The following NOS1AP variants were observed in gnomAD, a reference collection of about 807,000 sequenced individuals.
The protein encoded by NOS1AP is carboxyl-terminal PDZ ligand of neuronal nitric oxide synthase protein.
Under a neutral mutation model 56.2 loss-of-function variants are expected in NOS1AP, and 21 were observed. The ratio of observed to expected loss-of-function variants is 0.37; its 90% confidence interval spans 0.26 to 0.54. The LOEUF (loss-of-function observed/expected upper bound fraction) is 0.54, where lower values mean the gene tolerates loss of function less well. Ranked by LOEUF, NOS1AP falls within the 20% of genes least tolerant of loss-of-function variation. The pLI is 0.84. For missense variants in NOS1AP, 522 were observed against 657.8 expected (o/e 0.79, Z 2.26); for synonymous variants, 270 against 274.6 (o/e 0.98, Z 0.17).
rs541970457 is a variant in NOS1AP, at chr1:162,227,783, C to T, written c.178-59561C>T. ...GTGAGGGGCAAATAAGGAGAAAAAA[C>T]CCTCCTATGCAAGATGAGTTTGCAA... On this transcript the variant is annotated intron_variant, in intron 2 of 9. Coordinates refer to ENST00000361897, the MANE Select transcript of NOS1AP (RefSeq NM_014697.3). Among the ~76,000 whole-genome samples, 358 of 152,278 alleles carry T rather than the reference C, an allele frequency of 2.4e-3. 1 individual carries two copies. Among genetic ancestry groups the T allele is most frequent in the African/African-American group, 6.7e-3 (280 of 41,558 alleles).
chr1:162,248,992 AGTCATC>A (rs926912458), intron 2 of NOS1AP, among the ~76,000 whole-genome samples: 5 of 152,094 alleles, frequency 3.3e-5, no homozygotes, highest in African/African-American at 1.2e-4. Context: ...ACAGCATCTG[AGTCATC>A]TCCTTGGAAA....
intron 3 of NOS1AP, 45 bp from the exon 4 acceptor site, chr1:162,300,588 C>T (rs1655616843): frequency 1.3e-6 from 2 of 1,525,238 alleles, no homozygotes; most frequent in African/African-American, 1.4e-5. Context: ...TCAGTGTGTG[C>T]CCTGGTCCTG....
At chr1:162,295,461 A>G (rs1321979794) in intron 3 of NOS1AP, among the ~76,000 whole-genome samples, 2 of 152,228 alleles carry the variant, frequency 1.3e-5, no homozygotes, top group East Asian at 3.8e-4. Context: ...TTTGATTTAT[A>G]ATCCCATAGG....
chr1:162,070,034 C>A lies in NOS1AP; in HGVS notation c.-144C>A. 1 of 502,220 alleles carries A rather than the reference C, an allele frequency of 2.0e-6. No homozygotes were observed. Among genetic ancestry groups the A allele is most frequent in the Non-Finnish European group, 3.4e-6 (1 of 294,346 alleles). The allele number at this position is 502,220 out of a possible 1,614,324, so 31.1% of individuals were successfully genotyped here. On this transcript the variant is annotated 5_prime_UTR_variant, in exon 1 of 10. Transcript: ENST00000361897. The stretch of plus-strand genomic sequence containing the variant: ...TCGGCACCGCTCCGGGTCCGGCCGC[C>A]GCGCGGCCAGGGCTCCCCCTGCCCA...
At position 162,355,295 on chromosome 1, in the gene NOS1AP, G is replaced by A. The variant is rs780159734; in HGVS notation, c.704G>A (p.Arg235Gln). 1.4e-5 allele frequency: 22 copies of A among 1,614,134 alleles called. 1 individual carries two copies. The highest frequency in any genetic ancestry group is 4.5e-5 in the East Asian group (2 of 44,878). Residue 235 changes from arginine to glutamine, a missense_variant, in exon 7 of 10, where the codon CGA (arginine) becomes CAA (glutamine). Physicochemically the swap from Arg to Gln is conservative, Grantham distance 43. Around this residue, in one of 4 missense-constraint regions of NOS1AP, gnomAD observed 178 missense variants for 165.0 expected, o/e 1.08. Transcript: ENST00000361897. ...GGGAATGATGTCCTGGAATTCAGCC[G>A]AGGTGTGACTGATCTAGATGCTGTA... ...LPGNDVLEFS[R>Q]GVTDLDAVGK...
intron 1 of NOS1AP, among the ~76,000 whole-genome samples, chr1:162,132,210 A>G (rs142979568): frequency 1.3e-5 from 2 of 152,324 alleles, no homozygotes; most frequent in African/African-American, 4.8e-5. Context: ...CGGATGTGCT[A>G]TACCAAACAT....
chr1:162,161,984 C>T (rs2102110780), intron 2 of NOS1AP, among the ~76,000 whole-genome samples: 1 of 152,326 alleles, frequency 6.6e-6, no homozygotes, highest in African/African-American at 2.4e-5. Context: ...AGAATGGATT[C>T]TGTGGCTCTC....
At chr1:162,134,514 G>A (rs1024707281) in intron 1 of NOS1AP, among the ~76,000 whole-genome samples, 1 of 145,606 alleles carries the variant, frequency 6.9e-6, no homozygotes, top group East Asian at 2.0e-4. Flanking sequence ...AAGTAAAACC[G>A]TAGTGCTGTA....
At chr1:162,209,993 T>C (rs1381658825) in intron 2 of NOS1AP, among the ~76,000 whole-genome samples, 3 of 152,198 alleles carry the variant, frequency 2.0e-5, no homozygotes, top group Non-Finnish European at 2.9e-5. Flanking sequence ...CCAGACTAGA[T>C]GTCTCTAAGT....
At chr1:162,247,111 C>A (rs1557847497) in intron 2 of NOS1AP, among the ~76,000 whole-genome samples, 1 of 152,132 alleles carries the variant, frequency 6.6e-6, no homozygotes, top group Non-Finnish European at 1.5e-5. Flanking sequence ...TAATAGAAAC[C>A]TGTATATATA....
Position 162,109,376 on chromosome 1 carries a change from G to A in NOS1AP, c.105+39094G>A, listed in dbSNP as rs141760376. ...GTTAGTTGTTTTCAGATGAGATAGC[G>A]TTGTGGCAATTATATTTAAAGAAAG... On this transcript the variant is annotated intron_variant, in intron 1 of 9. Transcript: ENST00000361897. Among the ~76,000 whole-genome samples the A allele has an allele frequency of 4.2e-3, 644 of 152,290 alleles. 5 individuals carry two copies. The highest frequency in any genetic ancestry group is 7.4e-3 in the Non-Finnish European group (500 of 68,010).
intron 4 of NOS1AP, among the ~76,000 whole-genome samples, chr1:162,311,615 G>A (rs528457803): frequency 1.3e-5 from 2 of 149,266 alleles, no homozygotes; most frequent in South Asian, 4.2e-4. Context: ...AAGTTTTAGG[G>A]TACATGTGCA....
At chr1:162,352,341 G>T (rs577255553) in intron 6 of NOS1AP, among the ~76,000 whole-genome samples, 1 of 151,472 alleles carries the variant, frequency 6.6e-6, no homozygotes, top group Non-Finnish European at 1.5e-5. Flanking sequence ...TTATAGGCGT[G>T]AGCCACCGCG....
intron 2 of NOS1AP, among the ~76,000 whole-genome samples, chr1:162,206,355 T>G (rs1191224055): frequency 6.6e-6 from 1 of 152,234 alleles, no homozygotes; most frequent in Non-Finnish European, 1.5e-5. Flanking sequence ...GGGAAGACCC[T>G]ATAATCTAGT....
chr1:162,176,893 A>T (rs1190932766), intron 2 of NOS1AP, among the ~76,000 whole-genome samples: 1 of 152,184 alleles, frequency 6.6e-6, no homozygotes, highest in Non-Finnish European at 1.5e-5. Flanking sequence ...CCAGATTTTG[A>T]TGATTACGAA....
intron 2 of NOS1AP, among the ~76,000 whole-genome samples, chr1:162,186,216 C>T (rs1027858118): frequency 2.0e-5 from 3 of 152,156 alleles, no homozygotes; most frequent in Non-Finnish European, 4.4e-5. Context: ...ATGTCACTGG[C>T]AGAAATCCTA....
intron 5 of NOS1AP, among the ~76,000 whole-genome samples, chr1:162,340,238 T>C (rs1657067746): frequency 6.6e-6 from 1 of 152,192 alleles, no homozygotes; most frequent in African/African-American, 2.4e-5. Flanking sequence ...TTTAATTTAT[T>C]AATTTAATTA....
rs148315661 is a variant in NOS1AP, at chr1:162,084,525, T to C, written c.105+14243T>C. Among the ~76,000 whole-genome samples, 32 of 152,250 alleles carry C rather than the reference T, an allele frequency of 2.1e-4. 1 individual carries two copies. Among genetic ancestry groups the C allele is most frequent in the African/African-American group, 6.3e-4 (26 of 41,552 alleles). ...CCCAGCAAGGAGGTGGAGGAGGCCT[T>C]GTGTTGCCAGGTGAGGTGGATGTTC... On this transcript the variant is annotated intron_variant, in intron 1 of 9. Transcript: ENST00000361897.
At chr1:162,213,094 G>A (rs1012972203) in intron 2 of NOS1AP, among the ~76,000 whole-genome samples, 1 of 152,268 alleles carries the variant, frequency 6.6e-6, no homozygotes, top group East Asian at 1.9e-4. Flanking sequence ...GTCAGGGCTG[G>A]CCGCCCACCT....
Sources: gnomAD v4.1 joint callset for allele counts (sites outside exome capture counted in the v4.1 genomes callset) on GRCh38, gnomAD v4.1.1 for gene constraint, gnomAD v4.1.1 regional missense constraint, MANE v1.5 for transcripts, NCBI Gene and HGNC (gene_info 2026-07-23, HGNC 2026-07-21) for gene names.